Variants in THADA observed in about 807,000 individuals in gnomAD.
THADA encodes the protein THADA armadillo repeat containing.
A neutral mutation model predicts 219.8 loss-of-function variants in THADA; 213 were observed. That is an observed-to-expected ratio of 0.97 (90% confidence interval 0.87 to 1.09). The LOEUF is 1.09. Among genes scored for constraint, THADA ranks in the 50% least tolerant of loss-of-function variants. The pLI, the probability that THADA is intolerant of heterozygous loss-of-function variation, is 0.00. For synonymous variants in THADA, 1,018 were observed against 828.9 expected (o/e 1.23, Z -3.92); for missense variants, 2,956 against 2,311.3 (o/e 1.28, Z -5.72).
chr2:43,284,483 G>A (rs1673747548), intron 35 of THADA, among the ~76,000 whole-genome samples: 1 of 152,220 alleles, frequency 6.6e-6, no homozygotes, highest in African/African-American at 2.4e-5. Context: ...GCCTGTGGGT[G>A]TGCAAAAGGC....
chr2:43,383,630 G>T (rs1372924140), intron 29 of THADA, among the ~76,000 whole-genome samples: 1 of 152,202 alleles, frequency 6.6e-6, no homozygotes, highest in Non-Finnish European at 1.5e-5. Flanking sequence ...TGGGGATCTT[G>T]TGAAAATGCA....
At chr2:43,524,485 G>A (rs1259450513) in intron 22 of THADA, among the ~76,000 whole-genome samples, 2 of 152,090 alleles carry the variant, frequency 1.3e-5, no homozygotes, top group Admixed American at 6.6e-5. Context: ...CCATTTCTGT[G>A]GATTTTCATG....
At chr2:43,335,730 AG>A (rs1308613793) in intron 30 of THADA, among the ~76,000 whole-genome samples, 1 of 150,870 alleles carries the variant, frequency 6.6e-6, no homozygotes, top group Non-Finnish European at 1.5e-5. Context: ...AGGCCAAGGC[AG>A]GAGGATCACT....
intron 30 of THADA, among the ~76,000 whole-genome samples, chr2:43,341,859 G>A (rs1285675969): frequency 6.6e-6 from 1 of 152,142 alleles, no homozygotes; most frequent in Non-Finnish European, 1.5e-5. Flanking sequence ...GAAGGCAAAT[G>A]GTACTAGGCG....
intron 26 of THADA, among the ~76,000 whole-genome samples, chr2:43,437,723 G>A (rs115890048): frequency 0.013 from 1,926 of 152,118 alleles, 38 homozygotes; most frequent in African/African-American, 0.039. Context: ...TGGACTTTCC[G>A]GACTCTATTC....
At chr2:43,280,434 C>T (rs1442725796) in intron 35 of THADA, among the ~76,000 whole-genome samples, 1 of 152,062 alleles carries the variant, frequency 6.6e-6, no homozygotes, top group East Asian at 1.9e-4. Flanking sequence ...GAGATTGAGA[C>T]CATCCTGACC....
intron 28 of THADA, among the ~76,000 whole-genome samples, chr2:43,418,692 G>A (rs1465123540): frequency 1.3e-5 from 2 of 152,094 alleles, no homozygotes; most frequent in South Asian, 4.2e-4. Context: ...ACCCCAGAGA[G>A]AGCATGCAAA....
chr2:43,424,512 C>T (rs141965064), intron 28 of THADA, among the ~76,000 whole-genome samples: 2 of 152,340 alleles, frequency 1.3e-5, no homozygotes, highest in East Asian at 1.9e-4. Flanking sequence ...CAAGTCAAAA[C>T]AGCCCACTCT....
chr2:43,556,594 G>C lies in THADA; in HGVS notation c.2464-39C>G, dbSNP rs765901706. 11 of 1,571,790 alleles carry C rather than the reference G, an allele frequency of 7.0e-6. No individual in the cohort carries two copies. The Admixed American group carries it at 9.1e-5, about 13-fold the overall frequency. Reference sequence around the variant, plus strand: ...CAGACTCAGTAACTGTCAAATTAAAGATCTCTTTAATTTAAAAAAATAGTA... The same window carrying C: ...CAGACTCAGTAACTGTCAAATTAAACATCTCTTTAATTTAAAAAAATAGTA... On this transcript the variant is annotated intron_variant, in intron 16 of 37. Transcript: ENST00000405975.
At chr2:43,573,813 G>A (rs986140571) in intron 11 of THADA, among the ~76,000 whole-genome samples, 1 of 152,134 alleles carries the variant, frequency 6.6e-6, no homozygotes, top group African/African-American at 2.4e-5. Flanking sequence ...CTTGAATGCA[G>A]TGATTCCTGT....
intron 30 of THADA, among the ~76,000 whole-genome samples, chr2:43,336,096 C>CAA (rs1324499721): frequency 7.4e-6 from 1 of 134,736 alleles, no homozygotes. Flanking sequence ...GACTCCATCT[C>CAA]AAAAAAAAAA....
At position 43,590,815 on chromosome 2, in the gene THADA, T is replaced by A; in HGVS notation, c.302+9A>T. On this transcript the variant is annotated intron_variant, in intron 4 of 37. Coordinates refer to ENST00000405975, the MANE Select transcript of THADA (RefSeq NM_022065.5). ...TATAACACCCAACTTCCCTTCCTTT[T>A]TTTCTTACCTTGCCAATACTTTCTT... 1 of 1,610,050 alleles carries A rather than the reference T, an allele frequency of 6.2e-7. No individual in the cohort carries two copies. Among genetic ancestry groups the A allele is most frequent in the Non-Finnish European group, 8.5e-7 (1 of 1,178,736 alleles).
At chr2:43,413,489 G>A (rs1676554823) in intron 28 of THADA, among the ~76,000 whole-genome samples, 1 of 152,168 alleles carries the variant, frequency 6.6e-6, no homozygotes. Flanking sequence ...GCTACTTAAT[G>A]GCTGCCAGAT....
chr2:43,340,744 G>T (rs1304381560), intron 30 of THADA, among the ~76,000 whole-genome samples: 1 of 152,136 alleles, frequency 6.6e-6, no homozygotes, highest in Non-Finnish European at 1.5e-5. Context: ...ACATAAAAAA[G>T]CCTCTTCAGT....
chr2:43,312,208 CAAAAA>C (rs35043804), intron 31 of THADA, among the ~76,000 whole-genome samples: 2 of 117,876 alleles, frequency 1.7e-5, no homozygotes, highest in Admixed American at 9.1e-5. Context: ...GACAAAGCTG[CAAAAA>C]AAAAAAAAAA....
intron 7 of THADA, among the ~76,000 whole-genome samples, chr2:43,585,532 G>GTAGA (rs57755595): frequency 0.086 from 11,991 of 139,410 alleles, 572 homozygotes; most frequent in Non-Finnish European, 0.1. Flanking sequence ...AAAAAAAAAT[G>GTAGA]TAGATAGATA....
rs1177467012 is a variant in THADA, at chr2:43,236,031, G to A, written c.5297-3149C>T. Among the ~76,000 whole-genome samples, 6 of 151,926 alleles carry A rather than the reference G, an allele frequency of 3.9e-5. No homozygotes were observed. The East Asian group carries it at 1.2e-3, about 29-fold the overall frequency. Reference sequence around the variant, plus strand: ...TCACCGTGTTAGCCATGATGGTCTCGATCTCCTGACCTTGTGATCCACCTG... The same window carrying A: ...TCACCGTGTTAGCCATGATGGTCTCAATCTCCTGACCTTGTGATCCACCTG... On this transcript the variant is annotated intron_variant, in intron 36 of 37. Coordinates refer to ENST00000405975, the MANE Select transcript of THADA (RefSeq NM_022065.5).
chr2:43,387,608 T>C (rs369902305), intron 29 of THADA, among the ~76,000 whole-genome samples: 2 of 151,938 alleles, frequency 1.3e-5, no homozygotes, highest in Non-Finnish European at 2.9e-5. Context: ...GGAAAATCCA[T>C]AGGTACCATG....
chr2:43,560,309 G>A lies in THADA; in HGVS notation c.2388C>T (p.Thr796=). ...AAATTTTCACGTCTTCAAAAGTGCT[G>A]GTAAAACATTCCATTAGTGTTTGGA... ...GRFQTLMECF[T]STFEDVKILA... is the part of the protein sequence containing the mutation. The change falls in exon 16 of 38, where the codon ACC becomes ACT. Residue 796 remains threonine, a synonymous_variant. Coordinates refer to ENST00000405975, the MANE Select transcript of THADA (RefSeq NM_022065.5). The A allele has an allele frequency of 6.2e-7, 1 of 1,611,942 alleles. No homozygotes were observed. Among genetic ancestry groups the A allele is most frequent in the Non-Finnish European group, 8.5e-7 (1 of 1,178,926 alleles).
Sources: allele counts gnomAD v4.1 joint callset (sites outside exome capture counted in the v4.1 genomes callset), GRCh38; gene constraint gnomAD v4.1.1; transcripts MANE v1.5; gene names NCBI Gene and HGNC (gene_info 2026-07-23, HGNC 2026-07-21).